GRM8: variants seen among roughly 807,000 people sequenced by gnomAD.
GRM8 encodes the protein metabotropic glutamate receptor 8.
A neutral mutation model predicts 87.2 loss-of-function variants in GRM8; 47 were observed. The ratio of observed to expected loss-of-function variants is 0.54; its 90% CI spans 0.43 to 0.69. GRM8 has a LOEUF of 0.69. Among genes scored for constraint, GRM8 ranks in the 30% least tolerant of loss-of-function variants. GRM8 has a pLI of 0.00. For missense variants in GRM8, 1,019 were observed against 1,139.2 expected, an observed-to-expected ratio of 0.89 and a Z score of 1.52; for synonymous variants, 396 against 404.5, an observed-to-expected ratio of 0.98 and a Z score of 0.25.
chr7:127,133,319 G>A (rs1827784485), intron 2 of GRM8, among the ~76,000 whole-genome samples: 1 of 152,034 alleles, frequency 6.6e-6, no homozygotes. Context: ...TCAGGAGGCT[G>A]AGGCAGGAGA....
intron 7 of GRM8, among the ~76,000 whole-genome samples, chr7:126,627,095 A>G (rs1187726336): frequency 6.6e-6 from 1 of 152,180 alleles, no homozygotes; most frequent in Non-Finnish European, 1.5e-5. Context: ...ATTTATTCCT[A>G]GATAATATTA....
chr7:126,560,117 G>A (rs1793554671), intron 8 of GRM8, among the ~76,000 whole-genome samples: 1 of 152,114 alleles, frequency 6.6e-6, no homozygotes, highest in Admixed American at 6.5e-5. Context: ...TTTTTTAAAG[G>A]CATGACCGAT....
At chr7:126,740,357 A>G (rs528153340) in intron 7 of GRM8, among the ~76,000 whole-genome samples, 20 of 152,230 alleles carry the variant, frequency 1.3e-4, no homozygotes, top group African/African-American at 4.8e-4. Flanking sequence ...GATAACTTGT[A>G]TCAAGTCAAA....
intron 7 of GRM8, among the ~76,000 whole-genome samples, chr7:126,707,896 G>A (rs1810704427): frequency 1.3e-5 from 2 of 152,126 alleles, no homozygotes; most frequent in South Asian, 4.2e-4. Context: ...AATACCAAGT[G>A]GGACTGTATC....
At chr7:127,115,960 A>T (rs1182716028) in intron 2 of GRM8, among the ~76,000 whole-genome samples, 1 of 152,164 alleles carries the variant, frequency 6.6e-6, no homozygotes, top group Non-Finnish European at 1.5e-5. Flanking sequence ...TCTATAAAAC[A>T]TTAAAAAATT....
At chr7:126,732,953 T>A (rs1813768911) in intron 7 of GRM8, among the ~76,000 whole-genome samples, 1 of 152,146 alleles carries the variant, frequency 6.6e-6, no homozygotes, top group South Asian at 2.1e-4. Context: ...CAGCTTGGAA[T>A]GCAGCCCAAC....
chr7:126,565,078 A>G (rs1156901830), intron 8 of GRM8, among the ~76,000 whole-genome samples: 2 of 152,206 alleles, frequency 1.3e-5, no homozygotes, highest in South Asian at 2.1e-4. Flanking sequence ...AAGACCACAT[A>G]TGAAAAGCCT....
chr7:126,888,107 C>G (rs1427762363), intron 6 of GRM8, among the ~76,000 whole-genome samples: 1 of 152,026 alleles, frequency 6.6e-6, no homozygotes, highest in Non-Finnish European at 1.5e-5. Flanking sequence ...TTCACAGGTA[C>G]AAATACACAA....
intron 6 of GRM8, among the ~76,000 whole-genome samples, chr7:126,845,057 T>A (rs146379200): frequency 1.3e-5 from 2 of 152,308 alleles, no homozygotes; most frequent in African/African-American, 4.8e-5. Flanking sequence ...ACCTTGCCCC[T>A]CTTGCCCTCT....
At chr7:127,108,208 C>T (rs1455855140) in intron 2 of GRM8, among the ~76,000 whole-genome samples, 1 of 152,124 alleles carries the variant, frequency 6.6e-6, no homozygotes, top group Non-Finnish European at 1.5e-5. Flanking sequence ...CATGACTACT[C>T]GCAAGGACAC....
intron 6 of GRM8, among the ~76,000 whole-genome samples, chr7:126,881,949 A>C (rs1052986785): frequency 6.3e-4 from 96 of 152,272 alleles, no homozygotes; most frequent in African/African-American, 2.2e-3. Context: ...AAAGACAAGA[A>C]TCAATGAGTG....
At chr7:126,627,410 G>A (rs535668719) in intron 7 of GRM8, among the ~76,000 whole-genome samples, 4 of 152,302 alleles carry the variant, frequency 2.6e-5, no homozygotes, top group Non-Finnish European at 4.4e-5. Context: ...TTCAGAAACC[G>A]TTGCAAATTC....
At chr7:126,989,086 C>T (rs971740526) in intron 3 of GRM8, among the ~76,000 whole-genome samples, 5 of 152,146 alleles carry the variant, frequency 3.3e-5, no homozygotes, top group African/African-American at 4.8e-5. Context: ...GTAAAAATTT[C>T]CAGAGGGACC....
chr7:127,148,943 TA>T (rs1828699228), intron 2 of GRM8, among the ~76,000 whole-genome samples: 1 of 151,828 alleles, frequency 6.6e-6, no homozygotes, highest in Non-Finnish European at 1.5e-5. Context: ...CAACTCTAAA[TA>T]AAAGACCTAA....
At chr7:126,730,500 T>C (rs907300099) in intron 7 of GRM8, among the ~76,000 whole-genome samples, 7 of 152,050 alleles carry the variant, frequency 4.6e-5, no homozygotes. Flanking sequence ...GGGTAGACTG[T>C]GGGGGGACCT....
chr7:126,670,014 T>G (rs1247786160), intron 7 of GRM8, among the ~76,000 whole-genome samples: 1 of 152,164 alleles, frequency 6.6e-6, no homozygotes, highest in Non-Finnish European at 1.5e-5. Flanking sequence ...AATTGAACAT[T>G]AAAATATAAG....
At chr7:126,635,598 G>A (rs1585308518) in intron 7 of GRM8, among the ~76,000 whole-genome samples, 1 of 151,918 alleles carries the variant, frequency 6.6e-6, no homozygotes, top group East Asian at 1.9e-4. Flanking sequence ...ATGCTCTGAG[G>A]AGTTTTTTTT....
intron 2 of GRM8, among the ~76,000 whole-genome samples, chr7:127,212,663 C>T (rs1283792208): frequency 1.3e-5 from 2 of 151,992 alleles, no homozygotes; most frequent in South Asian, 2.1e-4. Context: ...GTGATCCGCC[C>T]GCCTCGGCCT....
At chr7:126,902,054 T>C (rs1446503381) in intron 6 of GRM8, among the ~76,000 whole-genome samples, 1 of 152,212 alleles carries the variant, frequency 6.6e-6, no homozygotes, top group Non-Finnish European at 1.5e-5. Flanking sequence ...AAGCACAAGC[T>C]ATGGAAAGTA....
Sources: gnomAD v4.1 joint callset for allele counts (sites outside exome capture counted in the v4.1 genomes callset) on GRCh38, gnomAD v4.1.1 for gene constraint, MANE v1.5 for transcripts, NCBI Gene and HGNC (gene_info 2026-07-23, HGNC 2026-07-21) for gene names.